Variants in PTPN14 observed in about 807,000 individuals in gnomAD.
The protein encoded by PTPN14 is tyrosine-protein phosphatase non-receptor type 14.
In PTPN14, 53 loss-of-function variants were observed where a neutral mutation model predicts 126.8. The observed-to-expected ratio is 0.42, with a 90% CI of 0.34 to 0.53. The LOEUF is 0.53. Ranked by LOEUF, PTPN14 falls within the 20% of genes least tolerant of loss-of-function variation. The pLI, the probability that PTPN14 is intolerant of heterozygous loss-of-function variation, is 0.08. For synonymous variants in PTPN14, 630 were observed against 599.3 expected (o/e 1.05, Z -0.75); for missense variants, 1,257 against 1,552.9 (o/e 0.81, Z 3.20).
rs188241471 is a variant in PTPN14 at position 214,495,074 on chromosome 1, G to A, written c.-154-30117C>T. Among the ~76,000 whole-genome samples, 4 of 152,250 alleles carry A rather than the reference G, an allele frequency of 2.6e-5. No individual in the cohort carries two copies. The East Asian group carries it at 7.7e-4, about 29-fold the overall frequency. ...CTCTCTCAGCATCATCCCAGAAAGG[G>A]ACACACAGAGTTACTCATTAAGGTG... On this transcript the variant is annotated intron_variant, in intron 1 of 18. Coordinates refer to ENST00000366956, the MANE Select transcript of PTPN14 (RefSeq NM_005401.5).
intron 8 of PTPN14, among the ~76,000 whole-genome samples, chr1:214,395,269 T>TCTCCCATTTTTTCACATTTC (rs1658851502): frequency 6.6e-6 from 1 of 152,146 alleles, no homozygotes; most frequent in Non-Finnish European, 1.5e-5. Flanking sequence ...TACTTCTCCC[T>TCTCCCATTTTTTCACATTTC]CTCCCATTTT....
chr1:214,404,259 T>C (rs983272875), intron 5 of PTPN14, among the ~76,000 whole-genome samples: 3 of 152,232 alleles, frequency 2.0e-5, no homozygotes, highest in African/African-American at 4.8e-5. Context: ...CACATCCTGC[T>C]AATTCTAGAG....
At chr1:214,403,382 G>C (rs560341058) in intron 5 of PTPN14, among the ~76,000 whole-genome samples, 1 of 152,286 alleles carries the variant, frequency 6.6e-6, no homozygotes, top group East Asian at 1.9e-4. Context: ...AGGCCTTTCT[G>C]TATACCAGGA....
Position 214,383,941 on chromosome 1 carries a change from G to T in PTPN14, c.1914C>A (p.Asn638Lys). The T allele has an allele frequency of 6.2e-7, 1 of 1,613,150 alleles. No homozygotes were observed. The highest frequency in any genetic ancestry group is 8.5e-7 in the Non-Finnish European group (1 of 1,180,016). ...LTATKHHGTV[N>K]KRHSLEVMNS... The stretch of plus-strand genomic sequence containing the variant: ...TCATCACCTCCAGGCTGTGGCGCTT[G>T]TTCACAGTGCCGTGGTGCTTGGTGG... The change falls in exon 13 of 19, where the codon AAC (asparagine) becomes AAA (lysine). Residue 638 changes from asparagine (N) to lysine (K), a missense_variant. By Grantham distance (94) the Asn-to-Lys change is moderately conservative (BLOSUM62 0). Around this residue, in one of 3 missense-constraint regions of PTPN14, gnomAD observed 1,021 missense variants for 1,183.3 expected, o/e 0.86. Transcript: ENST00000366956. The surrounding 1 kb of genome is among the most constrained non-coding windows in gnomAD (Gnocchi z 4.4).
At chr1:214,429,666 T>A (rs574426080) in intron 3 of PTPN14, among the ~76,000 whole-genome samples, 1 of 152,362 alleles carries the variant, frequency 6.6e-6, no homozygotes, top group Non-Finnish European at 1.5e-5. Flanking sequence ...ATTGAATGCA[T>A]GCATGAACAA....
At chr1:214,460,555 AG>A (rs1216277294) in intron 2 of PTPN14, among the ~76,000 whole-genome samples, 1 of 150,140 alleles carries the variant, frequency 6.7e-6, no homozygotes, top group Non-Finnish European at 1.5e-5. Flanking sequence ...ACACACACAC[AG>A]ATCAGTGCAA....
chr1:214,375,509 T>G (rs969548429), intron 15 of PTPN14, among the ~76,000 whole-genome samples: 1 of 152,224 alleles, frequency 6.6e-6, no homozygotes, highest in Non-Finnish European at 1.5e-5. Flanking sequence ...TAACAGGGAC[T>G]CTGAGGAAGG....
At chr1:214,376,153 C>T (rs544734856) in intron 15 of PTPN14, 66 bp downstream of exon 15, 1 of 1,443,054 alleles carries the variant, frequency 6.9e-7, no homozygotes, top group Admixed American at 1.8e-5. Context: ...ACATTTTCTT[C>T]TCCCCGCATT....
At chr1:214,426,825 C>T (rs1571992915) in intron 3 of PTPN14, among the ~76,000 whole-genome samples, 1 of 152,116 alleles carries the variant, frequency 6.6e-6, no homozygotes, top group Non-Finnish European at 1.5e-5. Context: ...GGGAAGATGC[C>T]AGTGTGGGGC....
At chr1:214,410,627 G>C (rs1009614278) in intron 5 of PTPN14, among the ~76,000 whole-genome samples, 2 of 152,144 alleles carry the variant, frequency 1.3e-5, no homozygotes, top group African/African-American at 4.8e-5. Context: ...ATTTACTTTT[G>C]TACAAAGGGT....
Position 214,402,437 on chromosome 1 carries a change from CAAAAA to C in PTPN14, c.581+441_581+445del, listed in dbSNP as rs1165595746. On this transcript the variant is annotated intron_variant, in intron 6 of 18. Coordinates refer to ENST00000366956, the MANE Select transcript of PTPN14 (RefSeq NM_005401.5). Reference sequence around the variant, plus strand: ...CCTGGGTGACAGAGCGAGACTCTGTCAAAAAAAAAAAAAAAAAAAAAAGCCACGAT... The same window carrying C: ...CCTGGGTGACAGAGCGAGACTCTGTCAAAAAAAAAAAAAAAAAGCCACGAT... Among the ~76,000 whole-genome samples, 114 of 48,128 alleles carry C rather than the reference CAAAAA, an allele frequency of 2.4e-3. 2 individuals are homozygous for C. Among genetic ancestry groups the C allele is most frequent in the Middle Eastern group, 0.021 (2 of 94 alleles). The allele number at this position is 48,128 out of a possible 152,430, so 31.6% of individuals were successfully genotyped here.
chr1:214,524,515 G>T (rs1195055670), intron 1 of PTPN14, among the ~76,000 whole-genome samples: 1 of 151,970 alleles, frequency 6.6e-6, no homozygotes, highest in African/African-American at 2.4e-5. Flanking sequence ...AGCTAGGCAG[G>T]ATGCTGCACA....
At chr1:214,519,727 T>G (rs1655195136) in intron 1 of PTPN14, among the ~76,000 whole-genome samples, 1 of 152,038 alleles carries the variant, frequency 6.6e-6, no homozygotes, top group Non-Finnish European at 1.5e-5. Context: ...GTTTTAACCC[T>G]CCCGCCCCAT....
At chr1:214,467,212 A>G (rs1220520269) in intron 1 of PTPN14, among the ~76,000 whole-genome samples, 1 of 152,182 alleles carries the variant, frequency 6.6e-6, no homozygotes, top group East Asian at 1.9e-4. Context: ...GGGGAAGCCA[A>G]AATTCAAATA....
At chr1:214,358,633 C>T (rs1284670956) in intron 18 of PTPN14, among the ~76,000 whole-genome samples, 1 of 152,286 alleles carries the variant, frequency 6.6e-6, no homozygotes, top group East Asian at 1.9e-4. Flanking sequence ...AGTTACATTT[C>T]CTCAGCAATA....
Position 214,519,383 on chromosome 1 carries a change from C to A in PTPN14, c.-155+31800G>T, listed in dbSNP as rs1655187221. 2.0e-5 allele frequency among the ~76,000 whole-genome samples: 3 copies of A among 152,156 alleles called. No homozygotes were observed. In the South Asian group the frequency reaches 6.2e-4, roughly 32 times the overall value. On this transcript the variant is annotated intron_variant, in intron 1 of 18. Transcript: ENST00000366956. ...AATGATCTGATTGAGTCTGTTCCCC[C>A]ACCCCCATCTCCAACTAGAAGCACC...
In PTPN14 at chr1:214,458,327, T is replaced by G. The variant is rs140213234; in HGVS notation, c.174+6303A>C. The stretch of plus-strand genomic sequence containing the variant: ...CCTCCCAGTGTTAGGACTATAGTTG[T>G]GAGCTACCAGGCCTGGCCCCAGTTT... On this transcript the variant is annotated intron_variant, in intron 2 of 18. Transcript: ENST00000366956. Among the ~76,000 whole-genome samples, 255 of 152,282 alleles carry G rather than the reference T, an allele frequency of 1.7e-3. 1 individual carries two copies. Among genetic ancestry groups the G allele is most frequent in the Non-Finnish European group, 2.5e-3 (173 of 68,012 alleles).
At chr1:214,481,914 G>C (rs1004333432) in intron 1 of PTPN14, among the ~76,000 whole-genome samples, 1 of 151,576 alleles carries the variant, frequency 6.6e-6, no homozygotes, top group East Asian at 1.9e-4. Flanking sequence ...GTGAACCCAG[G>C]AGGCAGAGCT....
intron 1 of PTPN14, among the ~76,000 whole-genome samples, chr1:214,548,237 A>G (rs1656021462): frequency 6.6e-6 from 1 of 152,156 alleles, no homozygotes; most frequent in Non-Finnish European, 1.5e-5. Context: ...CTATATTTCA[A>G]ACTCCCAAAC....
Sources: gnomAD v4.1 joint callset for allele counts (sites outside exome capture counted in the v4.1 genomes callset) on GRCh38, gnomAD v4.1.1 for gene constraint, gnomAD v4.1.1 regional missense constraint, Gnocchi (gnomAD v3.1) non-coding constraint, MANE v1.5 for transcripts, NCBI Gene and HGNC (gene_info 2026-07-23, HGNC 2026-07-21) for gene names.